The following GPHN variants were observed in gnomAD, a reference collection of about 807,000 sequenced individuals.
The protein encoded by GPHN is gephyrin.
In GPHN, 17 loss-of-function variants were observed where a neutral mutation model predicts 95.5. That is an observed-to-expected ratio of 0.18 (90% confidence interval 0.12 to 0.27). GPHN has a LOEUF of 0.27. Among genes scored for constraint, GPHN ranks in the 10% least tolerant of loss-of-function variants. GPHN has a pLI of 1.00. For synonymous variants in GPHN, 320 were observed against 322.5 expected (o/e 0.99, Z 0.08); for missense variants, 660 against 978.1 (o/e 0.67, Z 4.34).
At chr14:66,641,236 A>T (rs879414335) in intron 1 of GPHN, among the ~76,000 whole-genome samples, 1 of 152,200 alleles carries the variant, frequency 6.6e-6, no homozygotes, top group African/African-American at 2.4e-5. Flanking sequence ...TTGAATTTTG[A>T]TCTTTCTCTA....
intron 1 of GPHN, among the ~76,000 whole-genome samples, chr14:66,540,158 C>G (rs979139427): frequency 1.3e-5 from 2 of 152,166 alleles, no homozygotes; most frequent in African/African-American, 2.4e-5. Flanking sequence ...TGCTCGTGCT[C>G]CACATATCTT....
At chr14:67,226,282 C>A in the GPHN span, among the ~76,000 whole-genome samples, 1 of 152,194 alleles carries the variant, frequency 6.6e-6, no homozygotes. Context: ...ACCTCTGCCT[C>A]CTGGGTTCAA....
intron 1 of GPHN, among the ~76,000 whole-genome samples, chr14:66,515,493 G>C (rs570625539): frequency 4.4e-4 from 67 of 152,200 alleles, no homozygotes; most frequent in African/African-American, 1.5e-3. Flanking sequence ...TGTTTTAGTT[G>C]GGTGTTGTTT....
At chr14:66,819,573 T>A (rs971803913) in intron 3 of GPHN, among the ~76,000 whole-genome samples, 5 of 152,140 alleles carry the variant, frequency 3.3e-5, no homozygotes, top group African/African-American at 1.2e-4. Context: ...TATAGTATAG[T>A]TTGAAGTCAG....
At chr14:67,368,871 A>C in the GPHN span, among the ~76,000 whole-genome samples, 65 of 152,344 alleles carry the variant, frequency 4.3e-4, no homozygotes, top group Admixed American at 2.3e-3. Flanking sequence ...TAAGTAAGTA[A>C]AATACAAAAT....
intron 10 of GPHN, among the ~76,000 whole-genome samples, chr14:67,025,689 C>G (rs975288867): frequency 2.0e-4 from 30 of 152,138 alleles, no homozygotes; most frequent in African/African-American, 7.0e-4. Flanking sequence ...ATGTAATAAA[C>G]TTAAAATAAT....
chr14:67,138,487 A>G (rs2080236053), intron 17 of GPHN, among the ~76,000 whole-genome samples: 1 of 152,116 alleles, frequency 6.6e-6, no homozygotes, highest in Non-Finnish European at 1.5e-5. Flanking sequence ...CTTGTTACCT[A>G]TTTCCTCTTA....
intron 5 of GPHN, among the ~76,000 whole-genome samples, chr14:66,887,006 A>G (rs1567061391): frequency 1.3e-5 from 2 of 152,194 alleles, no homozygotes; most frequent in Non-Finnish European, 2.9e-5. Context: ...GTCCTTCGGA[A>G]CAACCAGGTT....
At chr14:67,432,090 C>A in the GPHN span, among the ~76,000 whole-genome samples, 468 of 152,308 alleles carry the variant, frequency 3.1e-3, 1 homozygote, top group African/African-American at 0.011. Context: ...CACAGGCAGC[C>A]ACTATGAATT....
chr14:66,767,441 G>GAAAAAA (rs375844697), intron 2 of GPHN, among the ~76,000 whole-genome samples: 5 of 96,852 alleles, frequency 5.2e-5, no homozygotes, highest in Non-Finnish European at 1.1e-4. Context: ...TTTTTGAACA[G>GAAAAAA]AAAAAAAAAA....
At chr14:67,257,479 G>C in the GPHN span, among the ~76,000 whole-genome samples, 1 of 152,026 alleles carries the variant, frequency 6.6e-6, no homozygotes. Context: ...TACTTACTTT[G>C]CTTTCACAGG....
intron 1 of GPHN, among the ~76,000 whole-genome samples, chr14:66,539,952 A>C (rs753195587): frequency 2.0e-5 from 3 of 152,242 alleles, no homozygotes; most frequent in Non-Finnish European, 2.9e-5. Context: ...TTGTTGAAGC[A>C]TTAAAATAAC....
At chr14:67,329,367 G>A in the GPHN span, among the ~76,000 whole-genome samples, 1 of 152,202 alleles carries the variant, frequency 6.6e-6, no homozygotes, top group African/African-American at 2.4e-5. Flanking sequence ...TCAGCTTAAG[G>A]AGATTTTGGG....
the GPHN span, among the ~76,000 whole-genome samples, chr14:67,639,961 C>T: frequency 6.7e-6 from 1 of 149,128 alleles, no homozygotes; most frequent in South Asian, 2.1e-4. Flanking sequence ...TCTGTGCAGT[C>T]CAGGATTGTG....
chr14:66,665,254 A>T (rs1177169121), intron 1 of GPHN, among the ~76,000 whole-genome samples: 1 of 152,204 alleles, frequency 6.6e-6, no homozygotes, highest in African/African-American at 2.4e-5. Context: ...AGCAAACTGA[A>T]TCCAGCTTAT....
the GPHN span, among the ~76,000 whole-genome samples, chr14:67,247,328 G>T: frequency 1.3e-5 from 2 of 152,104 alleles, no homozygotes; most frequent in African/African-American, 4.8e-5. Context: ...GATCACTGAT[G>T]GTATATAGAA....
At chr14:67,086,738 T>C (rs1366338064) in intron 11 of GPHN, among the ~76,000 whole-genome samples, 2 of 150,882 alleles carry the variant, frequency 1.3e-5, no homozygotes, top group African/African-American at 2.4e-5. Flanking sequence ...AAGTACTTAC[T>C]GTATTTAAAC....
At chr14:66,952,654 G>C (rs899683466) in intron 8 of GPHN, among the ~76,000 whole-genome samples, 1 of 152,092 alleles carries the variant, frequency 6.6e-6, no homozygotes, top group South Asian at 2.1e-4. Flanking sequence ...CAATGTATGA[G>C]GGTTCCAGTT....
At chr14:67,128,395 G>A (rs887012964) in intron 17 of GPHN, among the ~76,000 whole-genome samples, 8 of 151,646 alleles carry the variant, frequency 5.3e-5, no homozygotes, top group South Asian at 2.1e-4. Context: ...TAGCTGAGAC[G>A]ACAGACACCC....
Sources: gnomAD v4.1 joint callset for allele counts (sites outside exome capture counted in the v4.1 genomes callset) on GRCh38, gnomAD v4.1.1 for gene constraint, MANE v1.5 for transcripts, NCBI Gene and HGNC (gene_info 2026-07-23, HGNC 2026-07-21) for gene names.